CDH4: variants seen among roughly 807,000 people sequenced by gnomAD.
CDH4 encodes the protein cadherin-4.
Under a neutral mutation model 86.0 loss-of-function variants are expected in CDH4, and 33 were observed. That is an observed-to-expected ratio of 0.38 (90% CI 0.29 to 0.51). The LOEUF (loss-of-function observed/expected upper bound fraction) is 0.51. Ranked by LOEUF, CDH4 falls within the 20% of genes least tolerant of loss-of-function variation. CDH4 has a pLI of 0.86. For synonymous variants in CDH4, 555 were observed against 549.4 expected, an observed-to-expected ratio of 1.01 and a Z score of -0.14; for missense variants, 1,114 against 1,307.4, an observed-to-expected ratio of 0.85 and a Z score of 2.28.
At chr20:61,421,306 T>A (rs922188473) in intron 2 of CDH4, among the ~76,000 whole-genome samples, 1 of 152,126 alleles carries the variant, frequency 6.6e-6, no homozygotes, top group Non-Finnish European at 1.5e-5. Context: ...CACTGAGGGG[T>A]CTTTATTCCA....
At chr20:61,463,496 G>C (rs1346603076) in intron 2 of CDH4, among the ~76,000 whole-genome samples, 1 of 152,208 alleles carries the variant, frequency 6.6e-6, no homozygotes, top group African/African-American at 2.4e-5. Context: ...TCAGAATCCT[G>C]GGAATCAGGA....
At chr20:61,640,920 C>T (rs1354483488) in intron 2 of CDH4, among the ~76,000 whole-genome samples, 3 of 152,170 alleles carry the variant, frequency 2.0e-5, no homozygotes, top group African/African-American at 7.2e-5. Context: ...ATGGGGGAAG[C>T]GAGTGGTGCC....
chr20:61,508,099 CA>C (rs551451580), intron 2 of CDH4, among the ~76,000 whole-genome samples: 31 of 152,324 alleles, frequency 2.0e-4, no homozygotes, highest in African/African-American at 6.7e-4. Context: ...TCATGTTGTA[CA>C]AACATAAGCA....
chr20:61,423,357 T>C (rs1403833095), intron 2 of CDH4, among the ~76,000 whole-genome samples: 1 of 152,126 alleles, frequency 6.6e-6, no homozygotes, highest in Non-Finnish European at 1.5e-5. Flanking sequence ...CACTGCCTCA[T>C]GTTTCTTTCT....
chr20:61,750,532 G>A (rs1191361391), intron 3 of CDH4, among the ~76,000 whole-genome samples: 1 of 152,104 alleles, frequency 6.6e-6, no homozygotes, highest in Non-Finnish European at 1.5e-5. Flanking sequence ...AAGCTGTCAG[G>A]AAAAATTAAA....
chr20:61,433,386 C>T (rs1044398813), intron 2 of CDH4, among the ~76,000 whole-genome samples: 3 of 152,116 alleles, frequency 2.0e-5, no homozygotes, highest in African/African-American at 4.8e-5. Context: ...GATTCCTGTG[C>T]GTTTCAAGTG....
intron 2 of CDH4, among the ~76,000 whole-genome samples, chr20:61,493,797 C>A (rs1433727166): frequency 6.6e-6 from 1 of 152,166 alleles, no homozygotes; most frequent in East Asian, 1.9e-4. Flanking sequence ...CTAGGGTGAC[C>A]CCCTCCAGAA....
chr20:61,701,785 G>A (rs78295088), intron 2 of CDH4, among the ~76,000 whole-genome samples: 2,582 of 152,296 alleles, frequency 0.017, 72 homozygotes, highest in African/African-American at 0.059. Context: ...TTAATGATTC[G>A]GACAAAGCGT....
At chr20:61,552,315 G>C (rs1445046045) in intron 2 of CDH4, among the ~76,000 whole-genome samples, 1 of 152,172 alleles carries the variant, frequency 6.6e-6, no homozygotes, top group African/African-American at 2.4e-5. Flanking sequence ...CAAAAGTTTT[G>C]AATATTTTTT....
At chr20:61,353,668 TTCCCCC>T (rs2084728214) in intron 2 of CDH4, among the ~76,000 whole-genome samples, 1 of 8,008 alleles carries the variant, frequency 1.2e-4, no homozygotes, top group African/African-American at 6.4e-4. Flanking sequence ...CTTCCTCCTC[TTCCCCC>T]TCCTCCTCCC....
Position 61,688,447 on chromosome 20 carries a change from G to A in CDH4, c.170-55116G>A, listed in dbSNP as rs546437727. Among the ~76,000 whole-genome samples the A allele has an allele frequency of 4.7e-4, 71 of 152,264 alleles. 1 individual carries two copies. The South Asian group carries it at 0.014, about 31-fold the overall frequency. On this transcript the variant is annotated intron_variant, in intron 2 of 15. Transcript: ENST00000614565. Reference sequence around the variant, plus strand: ...ATAGCTGTCAATCTGATAATGATAAGAACAGCAGCAAACACATTCAGGGTC... The same window carrying A: ...ATAGCTGTCAATCTGATAATGATAAAAACAGCAGCAAACACATTCAGGGTC...
intron 2 of CDH4, among the ~76,000 whole-genome samples, chr20:61,414,051 T>A: frequency 6.6e-6 from 1 of 152,130 alleles, no homozygotes; most frequent in South Asian, 2.1e-4. Flanking sequence ...CTGTCCAAAT[T>A]TCCTCTCCTT....
At chr20:61,533,267 G>A (rs538989222) in intron 2 of CDH4, among the ~76,000 whole-genome samples, 2 of 152,224 alleles carry the variant, frequency 1.3e-5, no homozygotes, top group Non-Finnish European at 2.9e-5. Context: ...GCGATGGGGG[G>A]CAGGCCTGGG....
Position 61,544,127 on chromosome 20 carries a change from C to T in CDH4, c.170-199436C>T, listed in dbSNP as rs963881246. The stretch of plus-strand genomic sequence containing the variant: ...CCCACACCTGCCTCTTGGCACTACA[C>T]TGTGTGGTCCGGTCCCACGGCCATG... On this transcript the variant is annotated intron_variant, in intron 2 of 15. Transcript: ENST00000614565. This position sits in a 1 kb window ranked among gnomAD's most constrained non-coding sequence, Gnocchi z 6.5. Among the ~76,000 whole-genome samples, 3 of 152,218 alleles carry T rather than the reference C, an allele frequency of 2.0e-5. No homozygotes were observed. The highest frequency in any genetic ancestry group is 6.5e-5 in the Admixed American group (1 of 15,290).
chr20:61,692,237 ATGTATGTGTGTGTATGTGTGTGTC>A (rs1818814836), intron 2 of CDH4, among the ~76,000 whole-genome samples: 1 of 149,958 alleles, frequency 6.7e-6, no homozygotes, highest in Non-Finnish European at 1.5e-5. Context: ...ATGTGTGTGT[ATGTATGTGTGTGTATGTGTGTGTC>A]TGTATGTGTG....
At chr20:61,844,848 A>C in intron 5 of CDH4, 25 bp downstream of exon 5, 1 of 1,596,928 alleles carries the variant, frequency 6.3e-7, no homozygotes, top group Non-Finnish European at 8.6e-7. Context: ...CCGGCTGAGA[A>C]TGGGGCCCTG....
intron 4 of CDH4, among the ~76,000 whole-genome samples, chr20:61,801,384 C>A (rs1312482238): frequency 6.6e-6 from 1 of 152,156 alleles, no homozygotes; most frequent in Non-Finnish European, 1.5e-5. Flanking sequence ...AAGCCATGGA[C>A]CCTCAGAGTT....
chr20:61,650,427 A>G (rs188554477), intron 2 of CDH4, among the ~76,000 whole-genome samples: 69 of 152,336 alleles, frequency 4.5e-4, no homozygotes, highest in Admixed American at 4.5e-3. Flanking sequence ...GTATGTTTCT[A>G]TAAGTTCATA....
chr20:61,706,091 A>G (rs2087826340), intron 2 of CDH4, among the ~76,000 whole-genome samples: 1 of 152,180 alleles, frequency 6.6e-6, no homozygotes, highest in South Asian at 2.1e-4. Flanking sequence ...CAGTGGCTTT[A>G]GCCCATGAAA....
Sources: allele counts gnomAD v4.1 joint callset (sites outside exome capture counted in the v4.1 genomes callset), GRCh38; gene constraint gnomAD v4.1.1; non-coding constraint Gnocchi (gnomAD v3.1); transcripts MANE v1.5; gene names NCBI Gene and HGNC (gene_info 2026-07-23, HGNC 2026-07-21).